The following SLCO1B3 variants were observed in gnomAD, a reference collection of about 807,000 sequenced individuals.
The protein encoded by SLCO1B3 is solute carrier organic anion transporter family member 1B3, also known as liver-specific organic anion transporter 2.
A neutral mutation model predicts 71.8 loss-of-function variants in SLCO1B3; 72 were observed. That is an observed-to-expected ratio of 1.00 (90% CI 0.83 to 1.22). The LOEUF (loss-of-function observed/expected upper bound fraction) is 1.22. SLCO1B3 is among the 50% of genes most tolerant of loss of function. SLCO1B3 has a pLI of 0.00. For synonymous variants in SLCO1B3, 298 were observed against 278.4 expected, an observed-to-expected ratio of 1.07 and a Z score of -0.70; for missense variants, 911 against 819.7, an observed-to-expected ratio of 1.11 and a Z score of -1.36.
At position 20,862,837 on chromosome 12, in the gene SLCO1B3, T is replaced by C; in HGVS notation, c.710T>C (p.Ile237Thr). The C allele has an allele frequency of 6.3e-7, 1 of 1,593,672 alleles. No individual in the cohort carries two copies. The highest frequency in any genetic ancestry group is 8.6e-7 in the Non-Finnish European group (1 of 1,161,550). Reference protein sequence around the residue: ...GSLFAKMYVDIGYVDLSTIRI... With the variant: ...GSLFAKMYVDTGYVDLSTIRI... ...CTGTTTGCTAAAATGTACGTGGATA[T>C]TGGATATGTAGATCTGAGTAAGTAC... The change falls in exon 8 of 16, where the codon ATT (isoleucine) becomes ACT (threonine). Residue 237 changes from isoleucine (I) to threonine (T), a missense_variant. Coordinates refer to ENST00000381545, the MANE Select transcript of SLCO1B3 (RefSeq NM_019844.4).
chr12:20,833,361 A>G (rs1864584203), intron 3 of SLCO1B3, among the ~76,000 whole-genome samples: 1 of 151,462 alleles, frequency 6.6e-6, no homozygotes, highest in Non-Finnish European at 1.5e-5. Flanking sequence ...CTAAGGTTAT[A>G]TTATATATAA....
chr12:20,909,115 T>A (rs1345296841), intron 15 of SLCO1B3, among the ~76,000 whole-genome samples: 1 of 151,948 alleles, frequency 6.6e-6, no homozygotes, highest in African/African-American at 2.4e-5. Context: ...GTTGTTTAAA[T>A]GTGCATTTGC....
chr12:20,854,912 T>C, intron 3 of SLCO1B3, 116 bp from the exon 4 acceptor site: 1 of 984,686 alleles, frequency 1.0e-6, no homozygotes, highest in Non-Finnish European at 1.5e-6. Context: ...AAATGGGTAT[T>C]TTTTTATGAT....
At position 20,818,555 on chromosome 12, in the gene SLCO1B3, G is replaced by C. The variant is rs140589948; in HGVS notation, c.84+2733G>C. ...CAGTCCTGGGTGGGGGCAAATCCTC[G>C]AGCTTGTTGTGTAGGGAAGGGGCCT... On this transcript the variant is annotated intron_variant, in intron 3 of 15. Coordinates refer to ENST00000381545, the MANE Select transcript of SLCO1B3 (RefSeq NM_019844.4). Among the ~76,000 whole-genome samples, 1,113 of 152,234 alleles carry C rather than the reference G, an allele frequency of 7.3e-3. 6 individuals carry two copies. The highest frequency in any genetic ancestry group is 0.029 in the South Asian group (138 of 4,820).
intron 3 of SLCO1B3, among the ~76,000 whole-genome samples, chr12:20,832,788 C>A (rs548166735): frequency 6.6e-6 from 1 of 152,308 alleles, no homozygotes; most frequent in South Asian, 2.1e-4. Flanking sequence ...GATTTCTTTA[C>A]TCCTGAACAC....
intron 2 of SLCO1B3, among the ~76,000 whole-genome samples, chr12:20,814,897 A>G (rs1380094707): frequency 0.038 from 5 of 132 alleles, no homozygotes; most frequent in Admixed American, 0.19. Context: ...ACTCCGTCTC[A>G]AAAAAAAAAA....
chr12:20,864,670 T>C (rs1865338113), intron 8 of SLCO1B3, among the ~76,000 whole-genome samples: 1 of 152,158 alleles, frequency 6.6e-6, no homozygotes, highest in Admixed American at 6.5e-5. Flanking sequence ...ATAGTAGTTT[T>C]GTAGCCTCTC....
intron 8 of SLCO1B3, among the ~76,000 whole-genome samples, chr12:20,867,155 C>T (rs1341698870): frequency 6.6e-6 from 1 of 152,032 alleles, no homozygotes; most frequent in Non-Finnish European, 1.5e-5. Context: ...CTAATTCACC[C>T]TCTAGATGTG....
intron 8 of SLCO1B3, among the ~76,000 whole-genome samples, chr12:20,863,474 G>A (rs1865310499): frequency 6.6e-6 from 1 of 152,116 alleles, no homozygotes. Flanking sequence ...TGTAATATCT[G>A]CCTCGACTTC....
chr12:20,821,278 G>T (rs1458942049), intron 3 of SLCO1B3, among the ~76,000 whole-genome samples: 1 of 152,120 alleles, frequency 6.6e-6, no homozygotes, highest in Non-Finnish European at 1.5e-5. Flanking sequence ...TTGTAGGATG[G>T]AAAAATTGAA....
At chr12:20,912,086 A>C (rs1866389961) in intron 15 of SLCO1B3, among the ~76,000 whole-genome samples, 1 of 152,090 alleles carries the variant, frequency 6.6e-6, no homozygotes, top group East Asian at 1.9e-4. Flanking sequence ...TTGATGTTAT[A>C]ATTTTATTTT....
At chr12:20,895,776 C>T (rs962828677) in intron 13 of SLCO1B3, among the ~76,000 whole-genome samples, 5 of 152,178 alleles carry the variant, frequency 3.3e-5, no homozygotes, top group Admixed American at 1.3e-4. Flanking sequence ...TGTGTGATGG[C>T]TTTGACCTGA....
intron 1 of SLCO1B3, among the ~76,000 whole-genome samples, chr12:20,813,309 A>G (rs1864138431): frequency 6.6e-6 from 1 of 152,200 alleles, no homozygotes; most frequent in African/African-American, 2.4e-5. Flanking sequence ...CACAGATTCT[A>G]TATTAGAAAA....
At position 20,877,935 on chromosome 12, in the gene SLCO1B3, G is replaced by A. The variant is rs1331085862; in HGVS notation, c.1134G>A (p.Leu378=). 6.3e-7 allele frequency: 1 copy of A among 1,582,530 alleles called. No homozygotes were observed. Among genetic ancestry groups the A allele is most frequent in the East Asian group, 2.4e-5 (1 of 42,534 alleles). The change falls in exon 10 of 16, where the codon TTG becomes TTA. Residue 378 remains leucine (L), a splice_region_variant and synonymous_variant. Transcript: ENST00000381545. ...CTGCATCTCATGCTAACTTTTTGTT[G>A]GGTAAGACATATTTTTTACCTGTTT... ...GQSASHANFL[L]GIITIPTVAT...
At chr12:20,906,347 A>G (rs914303444) in intron 15 of SLCO1B3, among the ~76,000 whole-genome samples, 9 of 152,186 alleles carry the variant, frequency 5.9e-5, no homozygotes, top group Non-Finnish European at 1.5e-5. Flanking sequence ...AGTGTGGAGA[A>G]GGCTGGAATG....
rs1866508567 is a variant in SLCO1B3 at position 20,916,763 on chromosome 12, A to C, written c.*516A>C. The C allele has an allele frequency of 6.6e-6, 1 of 152,138 alleles. No homozygotes were observed. The highest frequency in any genetic ancestry group is 1.5e-5 in the Non-Finnish European group (1 of 68,032). The allele number at this position is 152,138 out of a possible 1,614,324, so 9.4% of individuals were successfully genotyped here. On this transcript the variant is annotated 3_prime_UTR_variant, in exon 16 of 16. Transcript: ENST00000381545. Reference sequence around the variant, plus strand: ...AACAACCTCGATGGATCTTCTTCCAACCTCCCATTAAGATCCTGCAGAAGA... The same window carrying C: ...AACAACCTCGATGGATCTTCTTCCACCCTCCCATTAAGATCCTGCAGAAGA...
chr12:20,863,335 G>A (rs1401134687), intron 8 of SLCO1B3, among the ~76,000 whole-genome samples: 1 of 152,054 alleles, frequency 6.6e-6, no homozygotes, highest in Non-Finnish European at 1.5e-5. Context: ...TTGGCCTATG[G>A]GAACATTTAA....
intron 3 of SLCO1B3, among the ~76,000 whole-genome samples, chr12:20,836,553 A>C (rs945090207): frequency 3.3e-5 from 5 of 152,314 alleles, no homozygotes; most frequent in African/African-American, 9.6e-5. Flanking sequence ...CCTGTGAAGA[A>C]GGTTGTATAC....
intron 3 of SLCO1B3, among the ~76,000 whole-genome samples, chr12:20,831,816 A>G (rs1864547764): frequency 6.6e-6 from 1 of 152,342 alleles, no homozygotes; most frequent in Middle Eastern, 3.4e-3. Flanking sequence ...ACATAAAAAG[A>G]GATGGTGAGA....
Sources: gnomAD v4.1 joint callset for allele counts (sites outside exome capture counted in the v4.1 genomes callset) on GRCh38, gnomAD v4.1.1 for gene constraint, MANE v1.5 for transcripts, NCBI Gene and HGNC (gene_info 2026-07-23, HGNC 2026-07-21) for gene names.